LOC128706665: variants seen among roughly 807,000 people sequenced by gnomAD.
At chr20:10,431,547 C>T in the LOC128706665 span, 25 of 151,838 alleles carry the variant, frequency 1.6e-4, no homozygotes, top group Non-Finnish European at 3.2e-4. Flanking sequence ...CAAACCAAAC[C>T]AAACCAAACC....
At chr20:10,427,037 C>CACAG in the LOC128706665 span, among the ~76,000 whole-genome samples, 228 of 68,012 alleles carry the variant, frequency 3.4e-3, 2 homozygotes, top group Non-Finnish European at 4.3e-3. Context: ...CTGACACACA[C>CACAG]ACACACACAC....
the LOC128706665 span, among the ~76,000 whole-genome samples, chr20:10,430,367 G>A: frequency 2.6e-5 from 4 of 152,098 alleles, no homozygotes; most frequent in Non-Finnish European, 5.9e-5. Flanking sequence ...TGTACAATGT[G>A]AATAATAACA....
the LOC128706665 span, among the ~76,000 whole-genome samples, chr20:10,429,234 A>G: frequency 6.6e-6 from 1 of 152,140 alleles, no homozygotes; most frequent in Non-Finnish European, 1.5e-5. Flanking sequence ...TTCCCCTTAC[A>G]TAATCTCCCT....
At chr20:10,421,856 T>C in the LOC128706665 span, among the ~76,000 whole-genome samples, 1 of 151,870 alleles carries the variant, frequency 6.6e-6, no homozygotes, top group East Asian at 1.9e-4. Context: ...ATCTGTTGGG[T>C]TTGGGAACTT....
chr20:10,423,532 G>A, the LOC128706665 span, among the ~76,000 whole-genome samples: 2 of 152,194 alleles, frequency 1.3e-5, no homozygotes, highest in Non-Finnish European at 2.9e-5. Flanking sequence ...ATGACAATCT[G>A]TAACACTAAT....
chr20:10,417,231 G>A, the LOC128706665 span, among the ~76,000 whole-genome samples: 9 of 132,976 alleles, frequency 6.8e-5, no homozygotes, highest in African/African-American at 2.6e-4. Flanking sequence ...GGGTGACAGA[G>A]TGAGACTCCA....
chr20:10,420,897 G>GCA, the LOC128706665 span: 1 of 152,124 alleles, frequency 6.6e-6, no homozygotes, highest in African/African-American at 2.4e-5. Context: ...ATAATACATT[G>GCA]CAATGTTAAT....
the LOC128706665 span, among the ~76,000 whole-genome samples, chr20:10,432,789 C>CAAAAAAA: frequency 0.023 from 1,683 of 74,540 alleles, 212 homozygotes; most frequent in Non-Finnish European, 0.035. Context: ...GACTCTTTGT[C>CAAAAAAA]AAAAAAAAAA....
the LOC128706665 span, among the ~76,000 whole-genome samples, chr20:10,416,470 T>C: frequency 6.6e-6 from 1 of 151,604 alleles, no homozygotes; most frequent in Non-Finnish European, 1.5e-5. Flanking sequence ...ATGGGACAAC[T>C]TTAGCATTAA....
chr20:10,429,389 C>T, the LOC128706665 span, among the ~76,000 whole-genome samples: 2 of 152,130 alleles, frequency 1.3e-5, no homozygotes, highest in Admixed American at 6.5e-5. Context: ...GTTTCCTGGG[C>T]GGTCTCATTC....
chr20:10,432,687 C>T, the LOC128706665 span, among the ~76,000 whole-genome samples: 34 of 148,934 alleles, frequency 2.3e-4, no homozygotes, highest in African/African-American at 8.1e-4. Context: ...CCAAACTTCT[C>T]CGGAGGCTAA....
At chr20:10,417,416 G>T in the LOC128706665 span, among the ~76,000 whole-genome samples, 1 of 152,120 alleles carries the variant, frequency 6.6e-6, no homozygotes, top group Non-Finnish European at 1.5e-5. Flanking sequence ...TTTGAGACCA[G>T]CCTGGGCAAC....
At chr20:10,428,189 G>C in the LOC128706665 span, among the ~76,000 whole-genome samples, 1 of 152,222 alleles carries the variant, frequency 6.6e-6, no homozygotes, top group African/African-American at 2.4e-5. Flanking sequence ...AATGGTTGTA[G>C]TGGTTTATAG....
chr20:10,424,387 T>A, the LOC128706665 span, among the ~76,000 whole-genome samples: 2 of 152,088 alleles, frequency 1.3e-5, no homozygotes, highest in Non-Finnish European at 2.9e-5. Flanking sequence ...AGACTTCATC[T>A]CTATTTTAAA....
chr20:10,414,581 A>C, the LOC128706665 span, among the ~76,000 whole-genome samples: 1 of 152,176 alleles, frequency 6.6e-6, no homozygotes, highest in Admixed American at 6.5e-5. Context: ...TGAGTCTTAA[A>C]AGAAGTCCCA....
the LOC128706665 span, among the ~76,000 whole-genome samples, chr20:10,416,320 T>C: frequency 1.3e-5 from 2 of 151,720 alleles, no homozygotes; most frequent in African/African-American, 2.4e-5. Flanking sequence ...AGAATGATTA[T>C]AGGTATGAGG....
chr20:10,423,758 C>T, the LOC128706665 span, among the ~76,000 whole-genome samples: 15 of 152,264 alleles, frequency 9.9e-5, no homozygotes, highest in African/African-American at 3.4e-4. Context: ...ATTAGGATAA[C>T]TTAAGGATCG....
the LOC128706665 span, among the ~76,000 whole-genome samples, chr20:10,426,510 G>A: frequency 5.3e-5 from 8 of 152,066 alleles, no homozygotes; most frequent in East Asian, 7.7e-4. Flanking sequence ...AGGGATTCTC[G>A]TACCTCAGCC....
At chr20:10,424,812 G>A in the LOC128706665 span, among the ~76,000 whole-genome samples, 2 of 152,086 alleles carry the variant, frequency 1.3e-5, no homozygotes, top group African/African-American at 2.4e-5. Flanking sequence ...AGCACTTTGG[G>A]AGGCCGAGGC....
Sources: gnomAD v4.1 joint callset for allele counts (sites outside exome capture counted in the v4.1 genomes callset) on GRCh38, gnomAD v4.1.1 for gene constraint, MANE v1.5 for transcripts.